Variants in ACSM2A observed in about 807,000 individuals in gnomAD.
ACSM2A encodes acyl-CoA synthetase medium chain family member 2A, also known as acyl-coenzyme A synthetase ACSM2A, mitochondrial.
A neutral mutation model predicts 76.6 loss-of-function variants in ACSM2A; 72 were observed. That is an observed-to-expected ratio of 0.94 (90% CI 0.78 to 1.14). The LOEUF (loss-of-function observed/expected upper bound fraction) is 1.14, where lower values mean the gene tolerates loss of function less well. Ranked by LOEUF, ACSM2A falls within the 50% of genes most tolerant of loss-of-function variation. ACSM2A has a pLI of 0.00. For missense variants in ACSM2A, 684 were observed against 708.5 expected (o/e 0.97, Z 0.39); for synonymous variants, 249 against 255.9 (o/e 0.97, Z 0.26).
rs543571170 is a variant in ACSM2A, at chr16:20,455,736, T to TAA, written c.-9+4064_-9+4065dup. 2.3e-4 allele frequency among the ~76,000 whole-genome samples: 31 copies of TAA among 132,800 alleles called. No individual in the cohort carries two copies. The East Asian group carries it at 3.5e-3, about 15-fold the overall frequency. The allele number at this position is 132,800 out of a possible 152,430, so 87.1% of individuals were successfully genotyped here. Reference sequence around the variant, plus strand: ...CATGACCTATAAAACAAAAATACAATAAAAAAAAAACCCAAGCTACACAGG... The same window carrying TAA: ...CATGACCTATAAAACAAAAATACAATAAAAAAAAAAAACCCAAGCTACACAGG... On this transcript the variant is annotated intron_variant, in intron 1 of 13. Coordinates refer to ENST00000573854, the MANE Select transcript of ACSM2A (RefSeq NM_001308172.2).
chr16:20,481,008 C>T, intron 12 of ACSM2A, 87 bp downstream of exon 12: 6 of 1,485,094 alleles, frequency 4.0e-6, no homozygotes, highest in African/African-American at 1.4e-5. Context: ...GACTGTGGGG[C>T]TGAACACTCT....
chr16:20,471,753 T>C, intron 6 of ACSM2A, 64 bp downstream of exon 6: 1 of 1,558,396 alleles, frequency 6.4e-7, no homozygotes, highest in South Asian at 1.2e-5. Context: ...CACTTCAATT[T>C]ATTGTAGTTT....
At chr16:20,465,155 A>T (rs9923280) in intron 2 of ACSM2A, among the ~76,000 whole-genome samples, 3 of 151,906 alleles carry the variant, frequency 2.0e-5, no homozygotes, top group Admixed American at 6.6e-5. Context: ...GAATTGCAGA[A>T]TAAATAGACG....
At chr16:20,461,572 A>C (rs529197449) in intron 2 of ACSM2A, among the ~76,000 whole-genome samples, 38 of 152,302 alleles carry the variant, frequency 2.5e-4, no homozygotes, top group African/African-American at 5.3e-4. Flanking sequence ...ACAGCAAAAA[A>C]GTTAATAATA....
chr16:20,473,796 T>C (rs1276687795), intron 6 of ACSM2A, among the ~76,000 whole-genome samples: 2 of 152,060 alleles, frequency 1.3e-5, no homozygotes, highest in African/African-American at 4.8e-5. Context: ...ACCTCTCTGG[T>C]ATTAACATCA....
In ACSM2A at chr16:20,478,721, G is replaced by A. The variant is rs768677549; in HGVS notation, c.1281+44G>A. 1.5e-5 allele frequency: 23 copies of A among 1,581,676 alleles called. No homozygotes were observed. The East Asian group carries it at 2.3e-4, about 16-fold the overall frequency. On this transcript the variant is annotated intron_variant, in intron 10 of 13. Coordinates refer to ENST00000573854, the MANE Select transcript of ACSM2A (RefSeq NM_001308172.2). ...CCTCCTCTGTTCCCCAGTGAGGATG[G>A]GAGCACTAAACGGGATGAGGGAGGA...
Position 20,472,373 on chromosome 16 carries a change from G to T in ACSM2A, c.894+684G>T, listed in dbSNP as rs554357183. ...TCCCTTACTGCTATATTCTCACATG[G>T]TTGAGAGAGACAGTGCTGGTATATC... On this transcript the variant is annotated intron_variant, in intron 6 of 13. Coordinates refer to ENST00000573854, the MANE Select transcript of ACSM2A (RefSeq NM_001308172.2). Among the ~76,000 whole-genome samples, 6 of 152,272 alleles carry T rather than the reference G, an allele frequency of 3.9e-5. No individual in the cohort carries two copies. The South Asian group carries it at 1.0e-3, about 26-fold the overall frequency.
At chr16:20,471,957 C>T (rs535934308) in intron 6 of ACSM2A, among the ~76,000 whole-genome samples, 1 of 152,190 alleles carries the variant, frequency 6.6e-6, no homozygotes, top group East Asian at 1.9e-4. Context: ...GTAACGGGCT[C>T]TTCCGCTGGT....
At chr16:20,466,628 G>A (rs1271519526) in intron 3 of ACSM2A, among the ~76,000 whole-genome samples, 2 of 152,204 alleles carry the variant, frequency 1.3e-5, no homozygotes, top group African/African-American at 4.8e-5. Context: ...GATTGGTTTG[G>A]CTGGGGATGA....
At chr16:20,464,642 C>T (rs2355912) in intron 2 of ACSM2A, among the ~76,000 whole-genome samples, 14 of 152,152 alleles carry the variant, frequency 9.2e-5, no homozygotes, top group South Asian at 2.1e-4. Flanking sequence ...AATCACCTCC[C>T]ACCAAGCCCC....
At chr16:20,466,910 T>A (rs1198415059) in intron 3 of ACSM2A, among the ~76,000 whole-genome samples, 1 of 152,232 alleles carries the variant, frequency 6.6e-6, no homozygotes. Flanking sequence ...TTGTTATTTT[T>A]CTAAAGGCAG....
At chr16:20,458,449 TTATAA>T (rs1047216559) in intron 1 of ACSM2A, among the ~76,000 whole-genome samples, 117 of 146,188 alleles carry the variant, frequency 8.0e-4, no homozygotes, top group African/African-American at 2.8e-3. Flanking sequence ...ATATAACTAT[TTATAA>T]TATAATATAT....
At chr16:20,469,410 C>T (rs941206095) in intron 3 of ACSM2A, 102 bp from the exon 4 acceptor site, 1 of 1,554,386 alleles carries the variant, frequency 6.4e-7, no homozygotes, top group Non-Finnish European at 8.7e-7. Flanking sequence ...ACTTCCTCAT[C>T]CTCTCCTTCC....
At chr16:20,458,302 A>T (rs979973361) in intron 1 of ACSM2A, among the ~76,000 whole-genome samples, 4 of 148,460 alleles carry the variant, frequency 2.7e-5, no homozygotes, top group African/African-American at 7.4e-5. Flanking sequence ...TAGAAAAAAA[A>T]TCCAAAAATA....
At chr16:20,470,427 A>AT (rs1349779536) in intron 4 of ACSM2A, among the ~76,000 whole-genome samples, 1 of 152,150 alleles carries the variant, frequency 6.6e-6, no homozygotes, top group Admixed American at 6.5e-5. Context: ...TGGATTAATG[A>AT]TTTTCTCTGT....
At chr16:20,458,892 TTA>T (rs201331530) in intron 1 of ACSM2A, among the ~76,000 whole-genome samples, 46 of 111,184 alleles carry the variant, frequency 4.1e-4, no homozygotes, top group African/African-American at 9.5e-4. Context: ...ATAGTATATA[TTA>T]TATATATATG....
At chr16:20,468,691 T>A (rs6497491) in intron 3 of ACSM2A, among the ~76,000 whole-genome samples, 60,587 of 152,086 alleles carry the variant, frequency 0.4, 13,868 homozygotes, top group East Asian at 0.79. Context: ...AATATTTTAA[T>A]AATCAAAGGA....
intron 2 of ACSM2A, among the ~76,000 whole-genome samples, chr16:20,464,470 G>A (rs1037209351): frequency 2.6e-5 from 4 of 152,184 alleles, no homozygotes; most frequent in African/African-American, 7.2e-5. Flanking sequence ...TTACAGTAAT[G>A]GTGGAAGATG....
At chr16:20,477,612 G>T (rs536940569) in intron 9 of ACSM2A, among the ~76,000 whole-genome samples, 163 bp downstream of exon 9, 3 of 152,154 alleles carry the variant, frequency 2.0e-5, no homozygotes, top group Admixed American at 6.5e-5. Flanking sequence ...AAAGAGTGAG[G>T]GAAGGAAGGA....
Sources: allele counts gnomAD v4.1 joint callset (sites outside exome capture counted in the v4.1 genomes callset), GRCh38; gene constraint gnomAD v4.1.1; transcripts MANE v1.5; gene names NCBI Gene and HGNC (gene_info 2026-07-23, HGNC 2026-07-21).